Variants in DEPDC7 observed in about 807,000 individuals in gnomAD.
The protein encoded by DEPDC7 is DEP domain containing 7.
Under a neutral mutation model 56.6 loss-of-function variants are expected in DEPDC7, and 41 were observed. The ratio of observed to expected loss-of-function variants is 0.72; its 90% confidence interval spans 0.56 to 0.94. The LOEUF (loss-of-function observed/expected upper bound fraction) is 0.94. Among genes scored for constraint, DEPDC7 ranks in the 40% least tolerant of loss-of-function variants. DEPDC7 has a pLI of 0.00. For synonymous variants in DEPDC7, 185 were observed against 208.8 expected (o/e 0.89, Z 0.98); for missense variants, 522 against 596.3 (o/e 0.88, Z 1.30).
In DEPDC7 at chr11:33,032,881, T is replaced by G. The variant is rs1184952997; in HGVS notation, c.1264-8T>G. On this transcript the variant is annotated splice_polypyrimidine_tract_variant and splice_region_variant and intron_variant, in intron 7 of 8. Transcript: ENST00000241051. Reference sequence around the variant, plus strand: ...GAATAATGTCCCATGTCCCTTCTTTTTCTTAAGATTCCTGGAACTCTACAT... The same window carrying G: ...GAATAATGTCCCATGTCCCTTCTTTGTCTTAAGATTCCTGGAACTCTACAT... The G allele has an allele frequency of 6.3e-7, 1 of 1,597,674 alleles. No individual in the cohort carries two copies. The highest frequency in any genetic ancestry group is 1.3e-5 in the African/African-American group (1 of 74,116).
chr11:33,028,552 A>C, intron 3 of DEPDC7, 51 bp from the exon 4 acceptor site: 1 of 1,408,186 alleles, frequency 7.1e-7, no homozygotes, highest in Non-Finnish European at 9.6e-7. Context: ...TATGGTGAGC[A>C]TATAGTAACT....
chr11:33,016,347 C>G (rs1350352079), intron 1 of DEPDC7: 104 of 1,410,218 alleles, frequency 7.4e-5, no homozygotes, highest in Non-Finnish European at 9.3e-5. Flanking sequence ...CGGGGAGCTC[C>G]GGGATATGCT....
At chr11:33,026,292 C>T (rs1853577643) in intron 2 of DEPDC7, 2 of 516,008 alleles carry the variant, frequency 3.9e-6, no homozygotes, top group East Asian at 3.5e-5. Flanking sequence ...GTTATAGTTG[C>T]AGTGTAAAAA....
chr11:33,016,286 C>G, intron 1 of DEPDC7: 4 of 1,399,152 alleles, frequency 2.9e-6, no homozygotes, highest in Non-Finnish European at 3.7e-6. Flanking sequence ...CCCAGACTCT[C>G]AACTTGACCG....
At position 33,033,532 on chromosome 11, in the gene DEPDC7, C is replaced by A; in HGVS notation, c.*77C>A. The stretch of plus-strand genomic sequence containing the variant: ...CTAAATATCCAATCACATTTGTAAG[C>A]GTGGAAGCTCTAAATTTGAAACTGT... On this transcript the variant is annotated 3_prime_UTR_variant, in exon 9 of 9. Coordinates refer to ENST00000241051, the MANE Select transcript of DEPDC7 (RefSeq NM_001077242.2). 1 of 1,102,728 alleles carries A rather than the reference C, an allele frequency of 9.1e-7. No homozygotes were observed. The highest frequency in any genetic ancestry group is 1.3e-6 in the Non-Finnish European group (1 of 790,878). The allele number at this position is 1,102,728 out of a possible 1,614,324, so 68.3% of individuals were successfully genotyped here. A position where few individuals can be genotyped will look rare whatever the true frequency, so the allele number is the denominator to read the frequency against.
In DEPDC7 at chr11:33,015,984, C is replaced by T; in HGVS notation, c.29C>T (p.Ala10Val). 2 of 1,576,674 alleles carry T rather than the reference C, an allele frequency of 1.3e-6. No individual in the cohort carries two copies. Among genetic ancestry groups the T allele is most frequent in the Non-Finnish European group, 1.7e-6 (2 of 1,162,206 alleles). MATVQEKAA[A>V]LNLSALHSPA... ...GCCACCGTGCAGGAGAAGGCTGCTG[C>T]GCTGAACCTCTCGGCTCTCCACAGC... The change falls in exon 1 of 9, where the codon GCG becomes GTG. Residue 10 changes from alanine (A) to valine (V), a missense_variant. Transcript: ENST00000241051.
At chr11:33,020,224 A>C (rs1454037107) in intron 1 of DEPDC7, among the ~76,000 whole-genome samples, 1 of 152,136 alleles carries the variant, frequency 6.6e-6, no homozygotes, top group Non-Finnish European at 1.5e-5. Context: ...TCAGTTATTT[A>C]GTGTGAATTC....
intron 2 of DEPDC7, 58 bp downstream of exon 2, chr11:33,026,107 T>A: frequency 6.4e-7 from 1 of 1,573,798 alleles, no homozygotes; most frequent in Non-Finnish European, 8.7e-7. Context: ...TCTACCTTTT[T>A]ATGAGATGCC....
chr11:33,033,068 A>G, intron 8 of DEPDC7, 101 bp downstream of exon 8: 1 of 1,042,976 alleles, frequency 9.6e-7, no homozygotes, highest in South Asian at 1.7e-5. Flanking sequence ...TTTCAACCAA[A>G]TTTAAAACAT....
At chr11:33,026,076 G>C (rs374941692) in intron 2 of DEPDC7, 27 bp downstream of exon 2, 1 of 1,611,652 alleles carries the variant, frequency 6.2e-7, no homozygotes, top group Non-Finnish European at 8.5e-7. Context: ...AGATTATCAC[G>C]GGAATATTGG....
At chr11:33,025,514 A>G in intron 1 of DEPDC7, 145 bp from the exon 2 acceptor site, 2 of 743,724 alleles carry the variant, frequency 2.7e-6, no homozygotes, top group African/African-American at 1.8e-5. Context: ...CGCTATTAAA[A>G]CAGTATTTCA....
intron 5 of DEPDC7, 129 bp from the exon 6 acceptor site, chr11:33,032,207 T>A: frequency 1.2e-6 from 1 of 824,502 alleles, no homozygotes; most frequent in Non-Finnish European, 1.9e-6. Context: ...TAATTCCTAG[T>A]CTTGCTTTTG....
At chr11:33,031,854 C>CT (rs1053712580) in intron 5 of DEPDC7, among the ~76,000 whole-genome samples, 3 of 152,160 alleles carry the variant, frequency 2.0e-5, no homozygotes, top group Admixed American at 6.5e-5. Flanking sequence ...CAGCAATTCT[C>CT]TTTTTTTAGA....
Position 33,031,552 on chromosome 11 carries a change from C to T in DEPDC7, c.957C>T (p.His319=). 6.2e-7 allele frequency: 1 copy of T among 1,613,910 alleles called. No individual in the cohort carries two copies. The highest frequency in any genetic ancestry group is 8.5e-7 in the Non-Finnish European group (1 of 1,179,778). ...YYSSREPLLN[H]LSDVHNGIAE... ...GTAGTAGGGAACCTCTGTTAAATCA[C>T]TTATCTGACGTTCATAATGGAATTG... The change falls in exon 5 of 9, where the codon CAC becomes CAT. Residue 319 remains histidine, a synonymous_variant. Transcript: ENST00000241051.
At chr11:33,027,176 T>C (rs1853587834) in intron 2 of DEPDC7, among the ~76,000 whole-genome samples, 3 of 152,226 alleles carry the variant, frequency 2.0e-5, no homozygotes, top group Admixed American at 6.5e-5. Context: ...TAATCAAGCA[T>C]AATGATATTT....
chr11:33,032,203 C>T, intron 5 of DEPDC7, 133 bp from the exon 6 acceptor site: 1 of 787,574 alleles, frequency 1.3e-6, no homozygotes, highest in Non-Finnish European at 2.0e-6. Context: ...TTGTTAATTC[C>T]TAGTCTTGCT....
At position 33,029,799 on chromosome 11, in the gene DEPDC7, T is replaced by C. The variant is rs531688059; in HGVS notation, c.782+1007T>C. Among the ~76,000 whole-genome samples the C allele has an allele frequency of 9.9e-4, 151 of 152,370 alleles. 1 individual carries two copies. Among genetic ancestry groups the C allele is most frequent in the African/African-American group, 3.6e-3 (148 of 41,604 alleles). On this transcript the variant is annotated intron_variant, in intron 4 of 8. Transcript: ENST00000241051. ...TACAATTACATTTTCAGTACTTCACTAATTCTACGTTCCAAAGAACTATTA... is the reference window on the plus strand; with the variant it reads ...TACAATTACATTTTCAGTACTTCACCAATTCTACGTTCCAAAGAACTATTA...
At chr11:33,016,470 T>G in intron 1 of DEPDC7, 1 of 1,605,668 alleles carries the variant, frequency 6.2e-7, no homozygotes, top group Non-Finnish European at 8.5e-7. Flanking sequence ...GCTCCTCCCT[T>G]GCCCACTTTG....
At chr11:33,028,455 T>G in intron 3 of DEPDC7, 148 bp from the exon 4 acceptor site, 1 of 584,776 alleles carries the variant, frequency 1.7e-6, no homozygotes, top group Non-Finnish European at 2.9e-6. Flanking sequence ...ATTGTTTTAC[T>G]TTGTTATAAG....
Sources: allele counts gnomAD v4.1 joint callset (sites outside exome capture counted in the v4.1 genomes callset), GRCh38; gene constraint gnomAD v4.1.1; transcripts MANE v1.5; gene names NCBI Gene and HGNC (gene_info 2026-07-23, HGNC 2026-07-21).